Variants in RBFOX1 observed in about 807,000 individuals in gnomAD.
RBFOX1 encodes RNA binding protein fox-1 homolog 1.
In RBFOX1, 8 loss-of-function variants were observed where a neutral mutation model predicts 57.7. That is an observed-to-expected ratio of 0.14 (90% confidence interval 0.08 to 0.25). RBFOX1 has a LOEUF of 0.25. Ranked by LOEUF, RBFOX1 falls within the 10% of genes least tolerant of loss-of-function variation. RBFOX1 has a pLI of 1.00. For synonymous variants in RBFOX1, 326 were observed against 222.4 expected (o/e 1.47, Z -4.15); for missense variants, 611 against 548.5 (o/e 1.11, Z -1.14).
intron 12 of RBFOX1, among the ~76,000 whole-genome samples, chr16:7,658,130 C>G (rs552708795): frequency 2.5e-4 from 38 of 152,270 alleles, no homozygotes; most frequent in African/African-American, 7.9e-4. Context: ...ATTCAGTGAA[C>G]TGTACCTACT....
At chr16:6,853,195 G>A (rs894359852) in intron 3 of RBFOX1, among the ~76,000 whole-genome samples, 2 of 152,100 alleles carry the variant, frequency 1.3e-5, no homozygotes, top group African/African-American at 4.8e-5. Context: ...ACTAATACTG[G>A]TGTTTACCCT....
At chr16:6,538,644 A>G (rs1567603825) in intron 2 of RBFOX1, among the ~76,000 whole-genome samples, 1 of 152,206 alleles carries the variant, frequency 6.6e-6, no homozygotes. Context: ...TGCTGGTTGG[A>G]TTGCAGAATG....
At chr16:7,683,010 GTATATATA>G (rs1163076567) in intron 14 of RBFOX1, among the ~76,000 whole-genome samples, 1 of 4,900 alleles carries the variant, frequency 2.0e-4, no homozygotes, top group Non-Finnish European at 5.8e-4. Flanking sequence ...GTGTGTGTGT[GTATATATA>G]TATATATATA....
chr16:5,970,467 G>T (rs1373308461), intron 4 of RBFOX1, among the ~76,000 whole-genome samples: 1 of 152,094 alleles, frequency 6.6e-6, no homozygotes, highest in Admixed American at 6.5e-5. Context: ...GCATATTTCT[G>T]CTACACATAA....
intron 3 of RBFOX1, among the ~76,000 whole-genome samples, chr16:5,734,696 G>A (rs576325272): frequency 2.1e-4 from 32 of 152,268 alleles, no homozygotes; most frequent in Non-Finnish European, 3.8e-4. Flanking sequence ...CTATTGGGCA[G>A]CAGCTCTCAG....
chr16:5,737,252 G>A (rs1457935744), intron 3 of RBFOX1, among the ~76,000 whole-genome samples: 1 of 152,102 alleles, frequency 6.6e-6, no homozygotes, highest in Non-Finnish European at 1.5e-5. Context: ...GGGAGGCCAA[G>A]GCAGGTGAAT....
At chr16:5,732,104 A>G (rs1257973676) in intron 3 of RBFOX1, among the ~76,000 whole-genome samples, 1 of 152,162 alleles carries the variant, frequency 6.6e-6, no homozygotes, top group African/African-American at 2.4e-5. Context: ...TTGGTTATTT[A>G]TCCACTTTTA....
chr16:7,523,338 G>C (rs2077935398), intron 5 of RBFOX1, among the ~76,000 whole-genome samples: 1 of 152,224 alleles, frequency 6.6e-6, no homozygotes, highest in South Asian at 2.1e-4. Context: ...AAGGAAGGGT[G>C]AATGTGTGAG....
At chr16:7,138,389 C>G (rs1459618280) in intron 4 of RBFOX1, among the ~76,000 whole-genome samples, 1 of 152,132 alleles carries the variant, frequency 6.6e-6, no homozygotes, top group East Asian at 1.9e-4. Context: ...GTCACATGGG[C>G]AAGTCATGTA....
chr16:7,530,250 G>C lies in RBFOX1; in HGVS notation c.270+11861G>C, dbSNP rs138272992. 3.3e-5 allele frequency among the ~76,000 whole-genome samples: 5 copies of C among 152,234 alleles called. No individual in the cohort carries two copies. The East Asian group carries it at 9.7e-4, about 30-fold the overall frequency. On this transcript the variant is annotated intron_variant, in intron 5 of 15. Transcript: ENST00000550418. ...TCACAGCAGAACCCAATGTAAGGAT[G>C]TCCTAAGAGAAAACTCCCACTGTAC...
At chr16:6,905,125 T>G (rs983093857) in intron 3 of RBFOX1, among the ~76,000 whole-genome samples, 3 of 152,218 alleles carry the variant, frequency 2.0e-5, no homozygotes, top group Non-Finnish European at 4.4e-5. Flanking sequence ...AAGACTGTTT[T>G]GCAGCATTAG....
intron 2 of RBFOX1, among the ~76,000 whole-genome samples, chr16:6,476,926 T>C (rs913293666): frequency 1.3e-5 from 2 of 152,228 alleles, no homozygotes; most frequent in Admixed American, 1.3e-4. Context: ...CATAGTATCT[T>C]TACTAGATGT....
intron 3 of RBFOX1, among the ~76,000 whole-genome samples, chr16:6,890,599 T>C (rs761100132): frequency 1.2e-4 from 19 of 152,210 alleles, no homozygotes; most frequent in Non-Finnish European, 2.4e-4. Flanking sequence ...AAGGAATCAT[T>C]GCTTTGGTTA....
At chr16:7,584,061 G>C (rs920426970) in intron 6 of RBFOX1, among the ~76,000 whole-genome samples, 2 of 152,126 alleles carry the variant, frequency 1.3e-5, no homozygotes, top group African/African-American at 4.8e-5. Flanking sequence ...ACAGGGCATG[G>C]TACCTTCTAC....
intron 2 of RBFOX1, among the ~76,000 whole-genome samples, chr16:6,431,684 A>G (rs907951812): frequency 3.3e-5 from 5 of 152,014 alleles, no homozygotes; most frequent in Middle Eastern, 3.2e-3. Context: ...TCTGAATATG[A>G]TGGGAAGCCA....
chr16:7,189,484 C>G (rs1415598950), intron 4 of RBFOX1, among the ~76,000 whole-genome samples: 1 of 148,506 alleles, frequency 6.7e-6, no homozygotes, highest in Non-Finnish European at 1.5e-5. Flanking sequence ...ATAGGGAGAC[C>G]CACACTGATT....
intron 2 of RBFOX1, among the ~76,000 whole-genome samples, chr16:6,412,931 G>A (rs1278795921): frequency 6.6e-6 from 1 of 152,116 alleles, no homozygotes; most frequent in Non-Finnish European, 1.5e-5. Flanking sequence ...TTCAAAAACT[G>A]ATAATTTTGG....
chr16:6,210,348 A>AAAC (rs2097286273), intron 1 of RBFOX1, among the ~76,000 whole-genome samples: 1 of 101,910 alleles, frequency 9.8e-6, no homozygotes, highest in African/African-American at 3.2e-5. Context: ...AAAAAAACAA[A>AAAC]AAAAAAAAAC....
chr16:6,492,272 C>A (rs2095649631), intron 2 of RBFOX1, among the ~76,000 whole-genome samples: 1 of 152,056 alleles, frequency 6.6e-6, no homozygotes, highest in Non-Finnish European at 1.5e-5. Flanking sequence ...TTTGGGAATT[C>A]TTATTTTGAA....
Sources: gnomAD v4.1 joint callset for allele counts (sites outside exome capture counted in the v4.1 genomes callset) on GRCh38, gnomAD v4.1.1 for gene constraint, MANE v1.5 for transcripts, NCBI Gene and HGNC (gene_info 2026-07-23, HGNC 2026-07-21) for gene names.